TTC28: variants seen among roughly 807,000 people sequenced by gnomAD.
The protein encoded by TTC28 is tetratricopeptide repeat protein 28.
A neutral mutation model predicts 198.0 loss-of-function variants in TTC28; 61 were observed. The ratio of observed to expected loss-of-function variants is 0.31; its 90% CI spans 0.25 to 0.38. The LOEUF is 0.38. TTC28 is among the 10% of genes least tolerant of loss of function. The pLI is 1.00. For synonymous variants in TTC28, 1,171 were observed against 1,297.8 expected, an observed-to-expected ratio of 0.90 and a Z score of 2.10; for missense variants, 2,678 against 3,164.0, an observed-to-expected ratio of 0.85 and a Z score of 3.69.
chr22:28,503,115 G>C (rs2048558932), intron 2 of TTC28, among the ~76,000 whole-genome samples: 1 of 151,996 alleles, frequency 6.6e-6, no homozygotes, highest in Non-Finnish European at 1.5e-5. Context: ...AAACACACCT[G>C]CCTGATTTCA....
intron 12 of TTC28, among the ~76,000 whole-genome samples, chr22:28,061,386 AT>A (rs1940533447): frequency 6.6e-6 from 1 of 152,168 alleles, no homozygotes; most frequent in African/African-American, 2.4e-5. Context: ...TCTTGAATTA[AT>A]TTTTGTATAA....
chr22:28,176,922 T>C (rs1372939225), intron 5 of TTC28, among the ~76,000 whole-genome samples: 1 of 152,160 alleles, frequency 6.6e-6, no homozygotes, highest in Non-Finnish European at 1.5e-5. Context: ...CAGACCTAAA[T>C]GTAAACTGCA....
intron 2 of TTC28, among the ~76,000 whole-genome samples, chr22:28,418,140 A>C (rs1005178575): frequency 1.8e-4 from 28 of 152,194 alleles, no homozygotes; most frequent in African/African-American, 6.8e-4. Flanking sequence ...TCTTCTCACT[A>C]ATTATCCCAG....
intron 2 of TTC28, among the ~76,000 whole-genome samples, chr22:28,547,371 T>G (rs189136292): frequency 4.5e-4 from 68 of 152,282 alleles, no homozygotes; most frequent in Admixed American, 2.3e-3. Context: ...CGAATCATCC[T>G]CCTATACTTC....
chr22:28,618,277 A>G (rs2050934019), intron 2 of TTC28, among the ~76,000 whole-genome samples: 1 of 152,038 alleles, frequency 6.6e-6, no homozygotes, highest in South Asian at 2.1e-4. Context: ...ACTCCATCTC[A>G]ATCAATCAAT....
intron 1 of TTC28, among the ~76,000 whole-genome samples, chr22:28,646,096 G>A (rs2051461489): frequency 6.6e-6 from 1 of 152,042 alleles, no homozygotes. Context: ...AGAAAAAAGT[G>A]AAGGGCATCC....
At chr22:28,536,633 T>A (rs912747465) in intron 2 of TTC28, among the ~76,000 whole-genome samples, 5 of 151,666 alleles carry the variant, frequency 3.3e-5, no homozygotes, top group Non-Finnish European at 5.9e-5. Context: ...CAAAAAAAAA[T>A]AAAAATAAAA....
intron 2 of TTC28, among the ~76,000 whole-genome samples, chr22:28,364,121 A>G (rs777356132): frequency 3.9e-5 from 6 of 152,318 alleles, no homozygotes; most frequent in Middle Eastern, 6.8e-3. Context: ...CCCAAATCTC[A>G]TCTTGAATTC....
At chr22:28,568,464 G>A (rs1303369026) in intron 2 of TTC28, among the ~76,000 whole-genome samples, 1 of 152,076 alleles carries the variant, frequency 6.6e-6, no homozygotes, top group East Asian at 1.9e-4. Context: ...ACAAAACCCT[G>A]TAGTCTCTGT....
intron 12 of TTC28, among the ~76,000 whole-genome samples, chr22:28,063,348 T>G (rs1370405522): frequency 6.6e-6 from 1 of 152,216 alleles, no homozygotes; most frequent in African/African-American, 2.4e-5. Flanking sequence ...AGTTTACTAT[T>G]GGAGCTTTAA....
intron 12 of TTC28, among the ~76,000 whole-genome samples, chr22:28,074,462 C>A (rs1251361614): frequency 6.6e-6 from 1 of 152,150 alleles, no homozygotes; most frequent in Non-Finnish European, 1.5e-5. Flanking sequence ...AATAGGAATG[C>A]CATCCCAAGC....
chr22:28,465,451 C>T (rs1284037804), intron 2 of TTC28, among the ~76,000 whole-genome samples: 1 of 151,998 alleles, frequency 6.6e-6, no homozygotes, highest in Non-Finnish European at 1.5e-5. Flanking sequence ...AGGTGAAACC[C>T]CGTTTCTACT....
intron 2 of TTC28, among the ~76,000 whole-genome samples, chr22:28,356,532 T>G (rs961745922): frequency 1.3e-5 from 2 of 152,238 alleles, no homozygotes; most frequent in African/African-American, 4.8e-5. Flanking sequence ...CAACAAGTTA[T>G]ACTTTTTAAA....
chr22:28,529,563 T>C (rs1223629937), intron 2 of TTC28, among the ~76,000 whole-genome samples: 1 of 152,116 alleles, frequency 6.6e-6, no homozygotes, highest in African/African-American at 2.4e-5. Flanking sequence ...GTGTAGTGGT[T>C]CTCCCAGCAT....
chr22:28,311,003 C>T (rs2045246512), intron 2 of TTC28, among the ~76,000 whole-genome samples: 1 of 152,104 alleles, frequency 6.6e-6, no homozygotes, highest in African/African-American at 2.4e-5. Flanking sequence ...TGGTATCAAA[C>T]TCCTGACCTC....
chr22:28,170,489 C>CA (rs71791002), intron 5 of TTC28, among the ~76,000 whole-genome samples: 26,943 of 99,762 alleles, frequency 0.27, 3,170 homozygotes, highest in African/African-American at 0.42. Flanking sequence ...ACTCCGTCTC[C>CA]AAAAAAAAAA....
chr22:28,208,775 T>G (rs1042829834), intron 5 of TTC28, among the ~76,000 whole-genome samples: 3 of 152,128 alleles, frequency 2.0e-5, no homozygotes, highest in Admixed American at 2.0e-4. Flanking sequence ...AAAGTTGTGG[T>G]CAACACCTGG....
chr22:28,493,900 G>A (rs566441168), intron 2 of TTC28, among the ~76,000 whole-genome samples: 1 of 152,234 alleles, frequency 6.6e-6, no homozygotes, highest in Admixed American at 6.5e-5. Flanking sequence ...AATTTGCGAA[G>A]GGAAAGAGAG....
At chr22:28,337,140 T>C (rs1296627723) in intron 2 of TTC28, among the ~76,000 whole-genome samples, 1 of 152,218 alleles carries the variant, frequency 6.6e-6, no homozygotes, top group East Asian at 1.9e-4. Flanking sequence ...TTCCATGTAG[T>C]TGCGCGGTTT....
Sources: gnomAD v4.1 joint callset for allele counts (sites outside exome capture counted in the v4.1 genomes callset) on GRCh38, gnomAD v4.1.1 for gene constraint, MANE v1.5 for transcripts, NCBI Gene and HGNC (gene_info 2026-07-23, HGNC 2026-07-21) for gene names.